EDIL3: variants seen among roughly 807,000 people sequenced by gnomAD.
EDIL3 encodes the protein EGF like and discoidin domains 3, also known as EGF-like repeat and discoidin I-like domain-containing protein 3.
In EDIL3, 37 loss-of-function variants were observed where a neutral mutation model predicts 67.4. The observed-to-expected ratio is 0.55, with a 90% CI of 0.42 to 0.72. The LOEUF is 0.72. Among genes scored for constraint, EDIL3 ranks in the 30% least tolerant of loss-of-function variants. EDIL3 has a pLI of 0.00. For synonymous variants in EDIL3, 195 were observed against 196.3 expected (o/e 0.99, Z 0.05); for missense variants, 527 against 586.3 (o/e 0.90, Z 1.04).
At chr5:84,015,284 TAA>T (rs1186109144) in intron 9 of EDIL3, among the ~76,000 whole-genome samples, 1 of 152,152 alleles carries the variant, frequency 6.6e-6, no homozygotes, top group Non-Finnish European at 1.5e-5. Flanking sequence ...GATTAAATGA[TAA>T]AAGTCATCTA....
At chr5:84,371,448 TATAGAGAGAGAGAGAG>T (rs1466793205) in intron 1 of EDIL3, among the ~76,000 whole-genome samples, 3 of 93,242 alleles carry the variant, frequency 3.2e-5, no homozygotes, top group Non-Finnish European at 6.4e-5. Flanking sequence ...TATATATATA[TATAGAGAGAGAGAGAG>T]AGAGAGAGAG....
At chr5:84,315,644 T>C (rs1457866857) in intron 1 of EDIL3, among the ~76,000 whole-genome samples, 1 of 152,192 alleles carries the variant, frequency 6.6e-6, no homozygotes, top group Non-Finnish European at 1.5e-5. Context: ...GGTTCATTAC[T>C]AGGGAAGTTT....
chr5:84,322,317 G>A (rs1746665721), intron 1 of EDIL3, among the ~76,000 whole-genome samples: 1 of 151,876 alleles, frequency 6.6e-6, no homozygotes, highest in Non-Finnish European at 1.5e-5. Context: ...GCATCTTTAA[G>A]ATATGGAGTC....
rs545328068 is a variant in EDIL3, at chr5:83,965,177, A to G, written c.1138-1817T>C. On this transcript the variant is annotated intron_variant, in intron 9 of 10. Transcript: ENST00000296591. ...CCATTGATCATTTATATTTTCTCTC[A>G]ATGATTTCTTTCCACTCTCTGTGAC... Among the ~76,000 whole-genome samples, 5 of 152,196 alleles carry G rather than the reference A, an allele frequency of 3.3e-5. No homozygotes were observed. In the South Asian group the frequency reaches 1.0e-3, roughly 32 times the overall value.
chr5:84,003,615 T>C (rs978603978), intron 9 of EDIL3, among the ~76,000 whole-genome samples: 4 of 152,166 alleles, frequency 2.6e-5, no homozygotes, highest in Admixed American at 2.6e-4. Context: ...TACTCCCCTT[T>C]GCAAATGCTA....
intron 3 of EDIL3, among the ~76,000 whole-genome samples, chr5:84,204,339 A>T (rs1405901767): frequency 2.0e-5 from 3 of 152,120 alleles, no homozygotes; most frequent in Admixed American, 1.3e-4. Flanking sequence ...TATTTTGAAC[A>T]TTGTCTACTC....
intron 5 of EDIL3, among the ~76,000 whole-genome samples, chr5:84,129,281 A>G (rs1747919010): frequency 6.6e-6 from 1 of 152,160 alleles, no homozygotes; most frequent in African/African-American, 2.4e-5. Flanking sequence ...CTTTATTGAT[A>G]TACTTGCATA....
intron 9 of EDIL3, among the ~76,000 whole-genome samples, chr5:84,027,511 G>A (rs994589130): frequency 6.6e-6 from 1 of 150,986 alleles, no homozygotes; most frequent in Non-Finnish European, 1.5e-5. Context: ...AGATGGAGAT[G>A]GAAATGTCTA....
intron 6 of EDIL3, among the ~76,000 whole-genome samples, chr5:84,087,590 A>AT (rs1747095070): frequency 1.3e-5 from 2 of 152,188 alleles, no homozygotes; most frequent in Non-Finnish European, 2.9e-5. Flanking sequence ...TATCTGTTTC[A>AT]TTTTTTTATG....
intron 5 of EDIL3, among the ~76,000 whole-genome samples, chr5:84,129,605 T>C (rs1747924872): frequency 6.6e-6 from 1 of 152,132 alleles, no homozygotes; most frequent in Non-Finnish European, 1.5e-5. Flanking sequence ...TAGCCAATGC[T>C]TTCAGAGACA....
chr5:84,222,565 T>C (rs560081918), intron 3 of EDIL3, among the ~76,000 whole-genome samples: 1 of 152,014 alleles, frequency 6.6e-6, no homozygotes, highest in East Asian at 1.9e-4. Context: ...CATACACAGC[T>C]TTACATTTAA....
chr5:84,083,456 G>C (rs919968502), intron 6 of EDIL3, among the ~76,000 whole-genome samples: 1 of 152,102 alleles, frequency 6.6e-6, no homozygotes, highest in Admixed American at 6.6e-5. Flanking sequence ...TTAAAAGAAA[G>C]AACAATAAAA....
intron 5 of EDIL3, among the ~76,000 whole-genome samples, chr5:84,124,418 T>C (rs946784116): frequency 6.6e-6 from 1 of 152,076 alleles, no homozygotes; most frequent in East Asian, 1.9e-4. Flanking sequence ...GGAATACTTT[T>C]GTAATCAGAA....
intron 10 of EDIL3, among the ~76,000 whole-genome samples, chr5:83,955,631 C>T (rs78340408): frequency 0.099 from 15,063 of 151,702 alleles, 1,019 homozygotes; most frequent in East Asian, 0.29. Flanking sequence ...AGCATCTGTA[C>T]TAGGTGGTTA....
At chr5:83,952,931 C>T (rs542316457) in intron 10 of EDIL3, among the ~76,000 whole-genome samples, 1 of 151,886 alleles carries the variant, frequency 6.6e-6, no homozygotes, top group East Asian at 2.0e-4. Context: ...AGCACTCAGC[C>T]ATGTGACTTC....
At chr5:84,266,931 G>C (rs1428992162) in intron 1 of EDIL3, among the ~76,000 whole-genome samples, 1 of 152,134 alleles carries the variant, frequency 6.6e-6, no homozygotes, top group Non-Finnish European at 1.5e-5. Context: ...TATACTAAGT[G>C]TTTTATGGGT....
chr5:84,377,875 G>A (rs564585527), intron 1 of EDIL3, among the ~76,000 whole-genome samples: 16 of 152,264 alleles, frequency 1.1e-4, no homozygotes, highest in Non-Finnish European at 2.2e-4. Context: ...TTAAAAAGCC[G>A]TCACCTAAAT....
At chr5:84,278,349 ATTT>A (rs893396342) in intron 1 of EDIL3, among the ~76,000 whole-genome samples, 6 of 151,680 alleles carry the variant, frequency 4.0e-5, no homozygotes, top group African/African-American at 1.5e-4. Flanking sequence ...CATAGAGAGA[ATTT>A]TTTTTTGTTT....
At chr5:84,117,129 G>A (rs1359760888) in intron 5 of EDIL3, among the ~76,000 whole-genome samples, 1 of 141,614 alleles carries the variant, frequency 7.1e-6, no homozygotes, top group Non-Finnish European at 1.5e-5. Flanking sequence ...CCGGGTTCAC[G>A]CCATTCTCCC....
Sources: allele counts gnomAD v4.1 joint callset (sites outside exome capture counted in the v4.1 genomes callset), GRCh38; gene constraint gnomAD v4.1.1; transcripts MANE v1.5; gene names NCBI Gene and HGNC (gene_info 2026-07-23, HGNC 2026-07-21).